EIF2S2: variants seen among roughly 807,000 people sequenced by gnomAD.
The protein encoded by EIF2S2 is eukaryotic translation initiation factor 2 subunit beta, also known as eukaryotic translation initiation factor 2 subunit 2.
A neutral mutation model predicts 44.0 loss-of-function variants in EIF2S2; 4 were observed. That is an observed-to-expected ratio of 0.09 (90% confidence interval 0.04 to 0.21). EIF2S2 has a LOEUF of 0.21. Among genes scored for constraint, EIF2S2 ranks in the 10% least tolerant of loss-of-function variants. The pLI, the probability that EIF2S2 is intolerant of heterozygous loss-of-function variation, is 1.00. For synonymous variants in EIF2S2, 108 were observed against 128.3 expected (o/e 0.84, Z 1.07); for missense variants, 154 against 392.0 (o/e 0.39, Z 5.13).
At position 34,088,971 on chromosome 20, in the gene EIF2S2, ACCAAGAGAGATGCTCAACTAG is replaced by A. The variant is rs1403457061; in HGVS notation, c.*738_*758del. ...TGAACCGCACACACATCGCTTCCTC[ACCAAGAGAGATGCTCAACTAG>A]GATCTTTTTTAGTGTGCCAGTTACA... On this transcript the variant is annotated 3_prime_UTR_variant, in exon 9 of 9. Coordinates refer to ENST00000374980, the MANE Select transcript of EIF2S2 (RefSeq NM_003908.5). The A allele has an allele frequency of 1.3e-5, 2 of 152,434 alleles. No individual in the cohort carries two copies. The highest frequency in any genetic ancestry group is 4.8e-5 in the African/African-American group (2 of 41,382). The allele number at this position is 152,434 out of a possible 1,614,324, so 9.4% of individuals were successfully genotyped here.
chr20:34,105,909 G>A (rs1443598580), intron 1 of EIF2S2, among the ~76,000 whole-genome samples: 2 of 152,084 alleles, frequency 1.3e-5, no homozygotes, highest in Admixed American at 6.6e-5. Context: ...ATACCTAAGC[G>A]GGGTGTAAAT....
intron 4 of EIF2S2, among the ~76,000 whole-genome samples, chr20:34,098,044 G>A (rs1246318684): frequency 1.3e-5 from 2 of 152,204 alleles, no homozygotes; most frequent in Admixed American, 6.5e-5. Context: ...TTGGGAGTTC[G>A]AGACCTGCCT....
At chr20:34,093,172 G>A (rs578238403) in intron 7 of EIF2S2, among the ~76,000 whole-genome samples, 2 of 152,134 alleles carry the variant, frequency 1.3e-5, no homozygotes, top group Non-Finnish European at 2.9e-5. Context: ...TGAGATCTTG[G>A]CCTTCCTGAA....
At chr20:34,095,693 T>A (rs1015544954) in intron 6 of EIF2S2, among the ~76,000 whole-genome samples, 1 of 152,214 alleles carries the variant, frequency 6.6e-6, no homozygotes, top group Non-Finnish European at 1.5e-5. Context: ...TTTTCTACAA[T>A]GAGTATATAC....
chr20:34,109,687 CAAAA>C (rs2034389527), intron 1 of EIF2S2, among the ~76,000 whole-genome samples: 1 of 150,426 alleles, frequency 6.6e-6, no homozygotes, highest in South Asian at 2.1e-4. Context: ...CAAAAACAAA[CAAAA>C]AAAATCATAG....
chr20:34,103,685 C>T, intron 2 of EIF2S2, 120 bp from the exon 3 acceptor site: 1 of 1,322,000 alleles, frequency 7.6e-7, no homozygotes, highest in Non-Finnish European at 9.8e-7. Flanking sequence ...TAATTAGTCC[C>T]TCCACAATCA....
Position 34,088,625 on chromosome 20 carries a change from CAAG to C in EIF2S2, c.*1102_*1104del, listed in dbSNP as rs2034123984. 1 of 152,706 alleles carries C rather than the reference CAAG, an allele frequency of 6.5e-6. No homozygotes were observed. The highest frequency in any genetic ancestry group is 2.1e-4 in the South Asian group (1 of 4,832). The allele number at this position is 152,706 out of a possible 1,614,324, so 9.5% of individuals were successfully genotyped here. A position where few individuals can be genotyped will look rare whatever the true frequency, so the allele number is the denominator to read the frequency against. On this transcript the variant is annotated 3_prime_UTR_variant, in exon 9 of 9. Transcript: ENST00000374980. ...AGCTGCTTAGTACGAAGTCGGGCAA[CAAG>C]AAAGCGAGGAGCAGCGTGTATGCCC...
chr20:34,097,810 T>C (rs1181545299), intron 4 of EIF2S2, among the ~76,000 whole-genome samples: 3 of 152,184 alleles, frequency 2.0e-5, no homozygotes, highest in African/African-American at 4.8e-5. Context: ...TTGGAATAAT[T>C]AGAGGAAAAA....
At chr20:34,091,371 AATTG>A (rs2034160269) in intron 7 of EIF2S2, among the ~76,000 whole-genome samples, 2 of 152,224 alleles carry the variant, frequency 1.3e-5, no homozygotes, top group Non-Finnish European at 2.9e-5. Context: ...AATATACTAA[AATTG>A]ATTGTGGTAG....
intron 3 of EIF2S2, among the ~76,000 whole-genome samples, chr20:34,102,194 C>T (rs1180679983): frequency 6.6e-6 from 1 of 152,166 alleles, no homozygotes; most frequent in Non-Finnish European, 1.5e-5. Context: ...AGGAATCAAC[C>T]AACAAAGCCT....
chr20:34,109,107 G>T (rs1266316081), intron 1 of EIF2S2, among the ~76,000 whole-genome samples: 2 of 151,856 alleles, frequency 1.3e-5, no homozygotes, highest in Non-Finnish European at 2.9e-5. Flanking sequence ...AGATTCTGCT[G>T]TTTTTCTTTG....
intron 1 of EIF2S2, among the ~76,000 whole-genome samples, chr20:34,109,982 C>A (rs1479557191): frequency 1.3e-5 from 2 of 150,866 alleles, no homozygotes; most frequent in South Asian, 2.1e-4. Flanking sequence ...GCCTGTAATC[C>A]CAGCTACTCA....
intron 3 of EIF2S2, among the ~76,000 whole-genome samples, chr20:34,103,098 T>C (rs774295853): frequency 1.3e-5 from 2 of 152,202 alleles, no homozygotes; most frequent in Non-Finnish European, 2.9e-5. Flanking sequence ...TATCAATTTG[T>C]ATATATTCAA....
In EIF2S2 at chr20:34,101,735, C is replaced by T. The variant is rs140339378; in HGVS notation, c.297+1727G>A. Among the ~76,000 whole-genome samples, 939 of 146,100 alleles carry T rather than the reference C, an allele frequency of 6.4e-3. 10 individuals carry two copies. Among genetic ancestry groups the T allele is most frequent in the African/African-American group, 0.023 (886 of 39,256 alleles). ...TGTTGCCCAGGCTGGAGTGCAGTGG[C>T]GCTATCTCAGCTTACTGCAACCTCT... On this transcript the variant is annotated intron_variant, in intron 3 of 8. Coordinates refer to ENST00000374980, the MANE Select transcript of EIF2S2 (RefSeq NM_003908.5).
chr20:34,089,940 G>C lies in EIF2S2; in HGVS notation c.827-35C>G, dbSNP rs764342046. 11 of 1,609,782 alleles carry C rather than the reference G, an allele frequency of 6.8e-6. No individual in the cohort carries two copies. The East Asian group carries it at 2.2e-4, about 33-fold the overall frequency. On this transcript the variant is annotated intron_variant, in intron 8 of 8. Coordinates refer to ENST00000374980, the MANE Select transcript of EIF2S2 (RefSeq NM_003908.5). ...AAGCAACACACAGAATTACCTGGTG[G>C]CTGCAGTGAGGTAGAGAAGTTTCTG...
At chr20:34,095,372 G>A (rs1241358479) in intron 6 of EIF2S2, among the ~76,000 whole-genome samples, 3 of 147,164 alleles carry the variant, frequency 2.0e-5, no homozygotes, top group Admixed American at 6.9e-5. Flanking sequence ...GTGTGCAATG[G>A]CACAATCTCA....
intron 7 of EIF2S2, among the ~76,000 whole-genome samples, chr20:34,091,859 G>C (rs575673878): frequency 6.6e-6 from 1 of 150,776 alleles, no homozygotes; most frequent in African/African-American, 2.4e-5. Flanking sequence ...GGACGTCCGA[G>C]TGGGACTCTC....
At chr20:34,101,726 G>A (rs1172313387) in intron 3 of EIF2S2, among the ~76,000 whole-genome samples, 2 of 148,310 alleles carry the variant, frequency 1.3e-5, no homozygotes, top group African/African-American at 5.0e-5. Flanking sequence ...CCAGGCTGGA[G>A]TGCAGTGGCG....
At chr20:34,100,886 A>C (rs2034287590) in intron 3 of EIF2S2, among the ~76,000 whole-genome samples, 2 of 152,218 alleles carry the variant, frequency 1.3e-5, no homozygotes, top group South Asian at 2.1e-4. Context: ...CCAGAAGAGC[A>C]GAAAAGGCCA....
Sources: gnomAD v4.1 joint callset for allele counts (sites outside exome capture counted in the v4.1 genomes callset) on GRCh38, gnomAD v4.1.1 for gene constraint, MANE v1.5 for transcripts, NCBI Gene and HGNC (gene_info 2026-07-23, HGNC 2026-07-21) for gene names.